Variants in CCDC63 observed in about 807,000 individuals in gnomAD.
CCDC63 encodes coiled-coil domain-containing protein 63.
Under a neutral mutation model 63.6 loss-of-function variants are expected in CCDC63, and 54 were observed. The observed-to-expected ratio is 0.85, with a 90% CI of 0.68 to 1.07. The LOEUF is 1.07. Ranked by LOEUF, CCDC63 falls within the 50% of genes least tolerant of loss-of-function variation. The pLI is 0.00. For missense variants in CCDC63, 637 were observed against 689.6 expected, an observed-to-expected ratio of 0.92 and a Z score of 0.86; for synonymous variants, 253 against 266.1, an observed-to-expected ratio of 0.95 and a Z score of 0.48.
Position 110,881,100 on chromosome 12 carries a change from A to G in CCDC63, c.672-15A>G, listed in dbSNP as rs933457066. 1.9e-6 allele frequency: 3 copies of G among 1,600,336 alleles called. No homozygotes were observed. The highest frequency in any genetic ancestry group is 4.5e-4 in the Middle Eastern group (2 of 4,452). On this transcript the variant is annotated splice_polypyrimidine_tract_variant and intron_variant, in intron 6 of 11. Transcript: ENST00000308208. ...GGAGCCTCAGATGCTCAGGCTCTGT[A>G]CTCCCTTTGCCCAGGGTGGAGGCCA... is the stretch of plus-strand genomic sequence containing the variant.
intron 8 of CCDC63, among the ~76,000 whole-genome samples, chr12:110,886,061 A>G (rs999885615): frequency 2.0e-5 from 3 of 152,198 alleles, no homozygotes; most frequent in Non-Finnish European, 2.9e-5. Context: ...GACTTTATCA[A>G]TTAGGGTTGT....
intron 10 of CCDC63, among the ~76,000 whole-genome samples, chr12:110,902,123 G>A (rs2071496113): frequency 6.6e-6 from 1 of 152,086 alleles, no homozygotes; most frequent in Non-Finnish European, 1.5e-5. Context: ...GAGCCACCAC[G>A]CCCGGCCACC....
chr12:110,894,649 G>C (rs1349496631), intron 9 of CCDC63, among the ~76,000 whole-genome samples: 1 of 152,166 alleles, frequency 6.6e-6, no homozygotes, highest in Non-Finnish European at 1.5e-5. Flanking sequence ...GCAGGGTCCA[G>C]GTCCACGGAG....
chr12:110,868,429 C>T (rs1041165114), intron 4 of CCDC63, among the ~76,000 whole-genome samples: 3 of 150,808 alleles, frequency 2.0e-5, no homozygotes, highest in African/African-American at 7.4e-5. Context: ...CACTGCACTC[C>T]AGTCTGGGCA....
chr12:110,853,322 T>A, intron 2 of CCDC63, 83 bp from the exon 3 acceptor site: 2 of 1,368,258 alleles, frequency 1.5e-6, no homozygotes, highest in South Asian at 2.8e-5. Flanking sequence ...CCACCCCCAC[T>A]GCCCTTCACT....
rs372078813 is a variant in CCDC63 at position 110,904,692 on chromosome 12, C to A, written c.1447C>A (p.Pro483Thr). 19 of 1,614,100 alleles carry A rather than the reference C, an allele frequency of 1.2e-5. No homozygotes were observed. The highest frequency in any genetic ancestry group is 1.4e-5 in the Non-Finnish European group (17 of 1,180,004). ...EAEIPPPFIN[P>T]FWGGSALLKP... ...TGAGATCCCGCCACCCTTCATCAAC[C>A]CTTTCTGGGGTGGCTCTGCCCTCCT... Residue 483 changes from proline to threonine, a missense_variant, in exon 11 of 12, where the codon CCT (proline) becomes ACT (threonine). Coordinates refer to ENST00000308208, the MANE Select transcript of CCDC63 (RefSeq NM_152591.3).
At chr12:110,854,576 T>G (rs925690967) in intron 3 of CCDC63, among the ~76,000 whole-genome samples, 1 of 152,086 alleles carries the variant, frequency 6.6e-6, no homozygotes, top group Admixed American at 6.6e-5. Flanking sequence ...ATTACAGGTG[T>G]GAGCCACCAT....
intron 4 of CCDC63, among the ~76,000 whole-genome samples, chr12:110,860,312 C>T (rs1189189310): frequency 6.6e-6 from 1 of 152,176 alleles, no homozygotes; most frequent in Non-Finnish European, 1.5e-5. Flanking sequence ...GTGGGGGATC[C>T]CATGGCTCCC....
chr12:110,866,881 C>T (rs1480302877), intron 4 of CCDC63, among the ~76,000 whole-genome samples: 1 of 149,932 alleles, frequency 6.7e-6, no homozygotes, highest in East Asian at 2.1e-4. Context: ...CTCCTCACTT[C>T]CCAGTAGGGG....
chr12:110,847,403 AACTT>A (rs1172933829), intron 1 of CCDC63, among the ~76,000 whole-genome samples: 2 of 151,884 alleles, frequency 1.3e-5, no homozygotes, highest in Non-Finnish European at 2.9e-5. Context: ...AATATTTAAA[AACTT>A]AGCCGGGCGT....
intron 5 of CCDC63, among the ~76,000 whole-genome samples, chr12:110,879,307 G>T (rs1017366832): frequency 6.6e-6 from 1 of 152,156 alleles, no homozygotes; most frequent in Non-Finnish European, 1.5e-5. Context: ...GGGTGATTTT[G>T]CCTCCAAAGG....
chr12:110,894,773 A>AAC (rs2136729526), intron 9 of CCDC63, among the ~76,000 whole-genome samples: 1 of 152,286 alleles, frequency 6.6e-6, no homozygotes, highest in East Asian at 1.9e-4. Context: ...TGGCGTTTGG[A>AAC]ACAGGCTGAT....
rs561622648 is a variant in CCDC63 at position 110,849,719 on chromosome 12, A to G, written c.-97+2614A>G. On this transcript the variant is annotated intron_variant, in intron 1 of 11. Coordinates refer to ENST00000308208, the MANE Select transcript of CCDC63 (RefSeq NM_152591.3). ...TCACAATGTTGGCCAGGCTGGTCTC[A>G]GTCTCCTGACCCCAAGTGATCTGCC... 2.4e-4 allele frequency among the ~76,000 whole-genome samples: 37 copies of G among 152,140 alleles called. 1 individual carries two copies. The highest frequency in any genetic ancestry group is 8.2e-4 in the African/African-American group (34 of 41,520).
At chr12:110,856,744 G>GT (rs35826374) in intron 3 of CCDC63, among the ~76,000 whole-genome samples, 1 of 151,566 alleles carries the variant, frequency 6.6e-6, no homozygotes, top group Non-Finnish European at 1.5e-5. Context: ...CTGGCTGCTG[G>GT]TTTTTTGTAA....
chr12:110,903,651 A>G (rs2071520060), intron 10 of CCDC63, among the ~76,000 whole-genome samples: 1 of 152,236 alleles, frequency 6.6e-6, no homozygotes, highest in Non-Finnish European at 1.5e-5. Flanking sequence ...GAGTGAATGA[A>G]TGCTCTTGTG....
In CCDC63 at chr12:110,881,101, C is replaced by T; in HGVS notation, c.672-14C>T. ...GAGCCTCAGATGCTCAGGCTCTGTA[C>T]TCCCTTTGCCCAGGGTGGAGGCCAT... On this transcript the variant is annotated splice_polypyrimidine_tract_variant and intron_variant, in intron 6 of 11. Coordinates refer to ENST00000308208, the MANE Select transcript of CCDC63 (RefSeq NM_152591.3). The T allele has an allele frequency of 1.9e-6, 3 of 1,600,634 alleles. No individual in the cohort carries two copies. Among genetic ancestry groups the T allele is most frequent in the Non-Finnish European group, 2.6e-6 (3 of 1,174,132 alleles).
intron 11 of CCDC63, 143 bp downstream of exon 11, chr12:110,904,934 T>G: frequency 3.5e-6 from 2 of 565,606 alleles, no homozygotes; most frequent in Non-Finnish European, 5.9e-6. Flanking sequence ...GGCCTGCCAG[T>G]TCCCTTGGGT....
intron 8 of CCDC63, among the ~76,000 whole-genome samples, chr12:110,891,189 C>T (rs2071352153): frequency 1.3e-5 from 2 of 152,006 alleles, no homozygotes; most frequent in Admixed American, 6.6e-5. Flanking sequence ...CTCATGCCTG[C>T]AGTCCCAGCT....
At chr12:110,901,177 G>A (rs2071481924) in intron 10 of CCDC63, among the ~76,000 whole-genome samples, 1 of 152,090 alleles carries the variant, frequency 6.6e-6, no homozygotes, top group South Asian at 2.1e-4. Context: ...TGTGTATTTT[G>A]TAGGGTACAT....
Sources: gnomAD v4.1 joint callset for allele counts (sites outside exome capture counted in the v4.1 genomes callset) on GRCh38, gnomAD v4.1.1 for gene constraint, MANE v1.5 for transcripts, NCBI Gene and HGNC (gene_info 2026-07-23, HGNC 2026-07-21) for gene names.